The following FSHR variants were observed in gnomAD, a reference collection of about 807,000 sequenced individuals.
The protein encoded by FSHR is follicle-stimulating hormone receptor.
Under a neutral mutation model 52.1 loss-of-function variants are expected in FSHR, and 46 were observed. The ratio of observed to expected loss-of-function variants is 0.88; its 90% confidence interval spans 0.70 to 1.13. The LOEUF is 1.13. Among genes scored for constraint, FSHR ranks in the 50% most tolerant of loss-of-function variants. The pLI is 0.00. For missense variants in FSHR, 964 were observed against 834.6 expected, an observed-to-expected ratio of 1.16 and a Z score of -1.91; for synonymous variants, 399 against 309.6, an observed-to-expected ratio of 1.29 and a Z score of -3.03.
At chr2:49,026,084 G>T (rs1177426152) in intron 2 of FSHR, among the ~76,000 whole-genome samples, 3 of 152,144 alleles carry the variant, frequency 2.0e-5, no homozygotes, top group Admixed American at 2.0e-4. Flanking sequence ...TCCCAGATCT[G>T]CTTCCTTCTC....
At chr2:49,083,021 G>C (rs971009485) in intron 1 of FSHR, among the ~76,000 whole-genome samples, 4 of 150,918 alleles carry the variant, frequency 2.7e-5, no homozygotes, top group Non-Finnish European at 5.9e-5. Flanking sequence ...CTCGAGAAGA[G>C]CAACTCCAAG....
intron 3 of FSHR, among the ~76,000 whole-genome samples, chr2:49,019,263 A>T (rs978801009): frequency 2.6e-5 from 4 of 152,198 alleles, no homozygotes; most frequent in African/African-American, 7.2e-5. Flanking sequence ...ATATTTCCTA[A>T]TCTTATTTGA....
intron 1 of FSHR, among the ~76,000 whole-genome samples, chr2:49,150,652 T>C (rs908016849): frequency 2.6e-5 from 4 of 151,986 alleles, no homozygotes; most frequent in Non-Finnish European, 5.9e-5. Context: ...GTCTCTCAGA[T>C]TCTAAACACT....
intron 2 of FSHR, among the ~76,000 whole-genome samples, chr2:49,061,863 T>A (rs1183453185): frequency 7.0e-6 from 1 of 143,196 alleles, no homozygotes; most frequent in Non-Finnish European, 1.5e-5. Context: ...TATAATATAT[T>A]TATATATATA....
At chr2:49,107,547 C>A (rs1027367262) in intron 1 of FSHR, among the ~76,000 whole-genome samples, 3 of 152,074 alleles carry the variant, frequency 2.0e-5, no homozygotes, top group South Asian at 2.1e-4. Context: ...ATTAATCCAT[C>A]TATGATGGTA....
intron 1 of FSHR, among the ~76,000 whole-genome samples, chr2:49,083,377 G>C (rs1208933792): frequency 1.3e-5 from 2 of 151,678 alleles, no homozygotes; most frequent in Admixed American, 6.6e-5. Flanking sequence ...ACCGGTACCA[G>C]CCACTGCAAA....
At chr2:49,101,492 A>C (rs1671025337) in intron 1 of FSHR, among the ~76,000 whole-genome samples, 1 of 152,158 alleles carries the variant, frequency 6.6e-6, no homozygotes, top group Admixed American at 6.6e-5. Flanking sequence ...TAATGATAAG[A>C]AAGCAGAAAA....
At chr2:48,965,152 A>G (rs1483031338) in intron 9 of FSHR, among the ~76,000 whole-genome samples, 1 of 152,164 alleles carries the variant, frequency 6.6e-6, no homozygotes, top group Non-Finnish European at 1.5e-5. Context: ...TAAGAAGGAA[A>G]AAGGTGGCTA....
chr2:49,054,543 T>C (rs930763537), intron 2 of FSHR, among the ~76,000 whole-genome samples: 1 of 152,058 alleles, frequency 6.6e-6, no homozygotes, highest in African/African-American at 2.4e-5. Flanking sequence ...TAGCCCCAGG[T>C]AGACATGCTT....
At chr2:49,022,502 T>G (rs1311020046) in intron 2 of FSHR, among the ~76,000 whole-genome samples, 1 of 152,170 alleles carries the variant, frequency 6.6e-6, no homozygotes, top group Non-Finnish European at 1.5e-5. Flanking sequence ...CTGTCTCTAG[T>G]TATTACTATT....
chr2:49,148,219 G>C (rs1672938583), intron 1 of FSHR, among the ~76,000 whole-genome samples: 1 of 151,914 alleles, frequency 6.6e-6, no homozygotes, highest in South Asian at 2.1e-4. Context: ...CTAGAGTATA[G>C]AATATTCAAC....
intron 2 of FSHR, among the ~76,000 whole-genome samples, chr2:49,025,359 C>T (rs1466976839): frequency 1.3e-5 from 2 of 152,078 alleles, no homozygotes; most frequent in Non-Finnish European, 2.9e-5. Context: ...CTAGGCTTTC[C>T]TTAACTGGTG....
chr2:49,065,740 AGG>A, intron 2 of FSHR, among the ~76,000 whole-genome samples: 1 of 152,172 alleles, frequency 6.6e-6, no homozygotes, highest in East Asian at 1.9e-4. Context: ...TGGTCATTCA[AGG>A]GTGGAGCTAG....
chr2:49,090,953 A>G (rs186903409), intron 1 of FSHR, among the ~76,000 whole-genome samples: 41 of 152,020 alleles, frequency 2.7e-4, no homozygotes, highest in Middle Eastern at 3.4e-3. Context: ...TGATTAAAAA[A>G]ATTTTTTTTC....
At chr2:49,082,462 G>C (rs6756514) in intron 1 of FSHR, among the ~76,000 whole-genome samples, 1 of 152,170 alleles carries the variant, frequency 6.6e-6, no homozygotes, top group African/African-American at 2.4e-5. Context: ...AAGGAACGCA[G>C]TTCCTCACCA....
rs1415421183 is a variant in FSHR at position 49,154,456 on chromosome 2, CA to C, written c.-40del. ...TCCACCTGATTTCTTCCTGCATTTG[CA>C]GAGAAAAACCTCCACAGATCTCAGA... On this transcript the variant is annotated 5_prime_UTR_variant, in exon 1 of 10. Transcript: ENST00000406846. 6.2e-7 allele frequency: 1 copy of C among 1,607,916 alleles called. No homozygotes were observed. Among genetic ancestry groups the C allele is most frequent in the Admixed American group, 1.7e-5 (1 of 59,886 alleles).
In FSHR at chr2:49,080,364, G is replaced by A. The variant is rs945526562; in HGVS notation, c.153-12074C>T. The stretch of plus-strand genomic sequence containing the variant: ...TTCCATGTCCTTCTCTCTGCCACAT[G>A]TACACCTGGGGTCAGACAAAACATT... On this transcript the variant is annotated intron_variant, in intron 1 of 9. Coordinates refer to ENST00000406846, the MANE Select transcript of FSHR (RefSeq NM_000145.4). 3.3e-5 allele frequency among the ~76,000 whole-genome samples: 5 copies of A among 152,168 alleles called. No individual in the cohort carries two copies. The East Asian group carries it at 7.7e-4, about 23-fold the overall frequency.
intron 2 of FSHR, among the ~76,000 whole-genome samples, chr2:49,040,558 T>C (rs182049703): frequency 6.6e-6 from 1 of 152,256 alleles, no homozygotes; most frequent in Non-Finnish European, 1.5e-5. Context: ...TCAGTAAATA[T>C]GTGTTGAAAG....
chr2:48,963,551 G>A lies in FSHR; in HGVS notation c.1270C>T (p.His424Tyr), dbSNP rs745416269. Residue 424 changes from histidine to tyrosine, a missense_variant, in exon 10 of 10, where the codon CAT becomes TAT. Transcript: ENST00000406846. ...YLLLIASVDI[H>Y]TKSQYHNYAI... ...TAGTTGTGATATTGGCTCTTGGTAT[G>A]GATATCAACTGATGCAATGAGCAGC... is the stretch of plus-strand genomic sequence containing the variant. 1 of 1,614,172 alleles carries A rather than the reference G, an allele frequency of 6.2e-7. No individual in the cohort carries two copies. The highest frequency in any genetic ancestry group is 1.7e-5 in the Admixed American group (1 of 60,024).
Sources: allele counts gnomAD v4.1 joint callset (sites outside exome capture counted in the v4.1 genomes callset), GRCh38; gene constraint gnomAD v4.1.1; transcripts MANE v1.5; gene names NCBI Gene and HGNC (gene_info 2026-07-23, HGNC 2026-07-21).